Variants in MACROD2 observed in about 807,000 individuals in gnomAD.
MACROD2 encodes ADP-ribose glycohydrolase MACROD2.
Under a neutral mutation model 70.4 loss-of-function variants are expected in MACROD2, and 36 were observed. That is an observed-to-expected ratio of 0.51 (90% CI 0.39 to 0.68). MACROD2 has a LOEUF of 0.68. Ranked by LOEUF, MACROD2 falls within the 30% of genes least tolerant of loss-of-function variation. MACROD2 has a pLI of 0.00. For synonymous variants in MACROD2, 172 were observed against 178.8 expected (o/e 0.96, Z 0.30); for missense variants, 496 against 538.4 (o/e 0.92, Z 0.78).
chr20:15,405,142 AG>A (rs2045982408), intron 6 of MACROD2, among the ~76,000 whole-genome samples: 1 of 151,874 alleles, frequency 6.6e-6, no homozygotes. Context: ...GGGGGTAATG[AG>A]GAGCGACTGC....
At chr20:16,044,794 G>A (rs2067357941) in intron 17 of MACROD2, among the ~76,000 whole-genome samples, 155 bp downstream of exon 17, 1 of 152,016 alleles carries the variant, frequency 6.6e-6, no homozygotes, top group South Asian at 2.1e-4. Flanking sequence ...ACAGCGTAAG[G>A]GGAAACGATC....
intron 2 of MACROD2, among the ~76,000 whole-genome samples, chr20:14,050,868 A>G (rs556640633): frequency 7.2e-5 from 11 of 152,330 alleles, no homozygotes; most frequent in Admixed American, 2.0e-4. Flanking sequence ...TAAAGATAAA[A>G]AGATGGAGAT....
rs189763148 is a variant in MACROD2, at chr20:14,776,912, C to G, written c.418+91953C>G. Among the ~76,000 whole-genome samples the G allele has an allele frequency of 4.3e-3, 652 of 152,152 alleles. 9 individuals are homozygous for G. The highest frequency in any genetic ancestry group is 6.8e-3 in the Non-Finnish European group (464 of 68,006). ...ATTTAAATAAATAGAGCCATATACT[C>G]TGTATATGTTTACACCTCACTTCTT... On this transcript the variant is annotated intron_variant, in intron 5 of 17. Transcript: ENST00000684519.
intron 3 of MACROD2, among the ~76,000 whole-genome samples, chr20:14,443,512 G>A (rs2084149746): frequency 6.6e-6 from 1 of 151,946 alleles, no homozygotes; most frequent in South Asian, 2.1e-4. Flanking sequence ...GGTCAGGCTG[G>A]TCTTGAACTC....
At chr20:14,434,306 G>A (rs899642458) in intron 3 of MACROD2, among the ~76,000 whole-genome samples, 1 of 152,210 alleles carries the variant, frequency 6.6e-6, no homozygotes, top group African/African-American at 2.4e-5. Flanking sequence ...AAATTATTTT[G>A]AATCTTTTTT....
chr20:15,121,329 C>A (rs544306731), intron 5 of MACROD2, among the ~76,000 whole-genome samples: 1 of 151,796 alleles, frequency 6.6e-6, no homozygotes, highest in Non-Finnish European at 1.5e-5. Flanking sequence ...CTGGCCAACA[C>A]GGTGAAACCC....
Position 14,527,631 on chromosome 20 carries a change from T to C in MACROD2, c.301+34123T>C, listed in dbSNP as rs143359900. Among the ~76,000 whole-genome samples the C allele has an allele frequency of 7.2e-3, 1,092 of 152,364 alleles. 5 individuals are homozygous for C. Among genetic ancestry groups the C allele is most frequent in the African/African-American group, 0.024 (1,019 of 41,592 alleles). On this transcript the variant is annotated intron_variant, in intron 4 of 17. Transcript: ENST00000684519. ...TATGGAATGAATACTCTGGGGACAATGTCTCACGCTGTGCATTATGGAATC... is the reference window on the plus strand; with the variant it reads ...TATGGAATGAATACTCTGGGGACAACGTCTCACGCTGTGCATTATGGAATC...
At chr20:15,499,136 A>T (rs747983486) in intron 7 of MACROD2, among the ~76,000 whole-genome samples, 31 of 152,236 alleles carry the variant, frequency 2.0e-4, no homozygotes, top group Non-Finnish European at 3.5e-4. Flanking sequence ...GACTCTGAGC[A>T]TGTACGCTTC....
chr20:14,277,725 G>A (rs1299125144), intron 3 of MACROD2, among the ~76,000 whole-genome samples: 1 of 151,960 alleles, frequency 6.6e-6, no homozygotes, highest in African/African-American at 2.4e-5. Context: ...GAGAGAGAGA[G>A]AGAGAAAAGA....
rs549107010 is a variant in MACROD2, at chr20:15,323,096, C to G, written c.540+93035C>G. The stretch of plus-strand genomic sequence containing the variant: ...ATGTTGATGTTGACATTCTGCCATT[C>G]TGCAGTGATATATTGCTTAATTTGC... On this transcript the variant is annotated intron_variant, in intron 6 of 17. Coordinates refer to ENST00000684519, the MANE Select transcript of MACROD2 (RefSeq NM_001351661.2). 9.6e-5 allele frequency among the ~76,000 whole-genome samples: 10 copies of G among 103,906 alleles called. No individual in the cohort carries two copies. The South Asian group carries it at 3.2e-3, about 33-fold the overall frequency. 68.2% of individuals were successfully genotyped at this position (103,906 alleles called of 152,430 possible). A position where few individuals can be genotyped will look rare whatever the true frequency, so the allele number is the denominator to read the frequency against.
chr20:15,098,337 C>G (rs1429757516), intron 5 of MACROD2, among the ~76,000 whole-genome samples: 1 of 152,190 alleles, frequency 6.6e-6, no homozygotes, highest in Non-Finnish European at 1.5e-5. Context: ...TCCAACCTTT[C>G]TCACCTGAAT....
chr20:15,462,585 A>C (rs1269426069), intron 7 of MACROD2, among the ~76,000 whole-genome samples: 1 of 152,238 alleles, frequency 6.6e-6, no homozygotes, highest in Non-Finnish European at 1.5e-5. Flanking sequence ...AAAGAGGCAA[A>C]TAGATATTAC....
At chr20:14,352,393 G>A (rs2083131545) in intron 3 of MACROD2, 1 of 152,036 alleles carries the variant, frequency 6.6e-6, no homozygotes, top group Non-Finnish European at 1.5e-5. Context: ...GCACAAGGAT[G>A]ACAAGCAAAT....
intron 8 of MACROD2, among the ~76,000 whole-genome samples, chr20:15,582,451 G>GA (rs898541038): frequency 5.9e-5 from 9 of 151,972 alleles, no homozygotes; most frequent in Non-Finnish European, 7.4e-5. Context: ...CTCACAACTA[G>GA]AAAAAAACAT....
intron 10 of MACROD2, among the ~76,000 whole-genome samples, chr20:15,899,230 ATGTATATGTG>A (rs918663178): frequency 6.6e-6 from 1 of 152,058 alleles, no homozygotes; most frequent in African/African-American, 2.4e-5. Context: ...ATATGTATAT[ATGTATATGTG>A]TGTATATGTA....
intron 3 of MACROD2, among the ~76,000 whole-genome samples, chr20:14,362,558 GC>G (rs2083232187): frequency 6.6e-6 from 1 of 152,224 alleles, no homozygotes; most frequent in South Asian, 2.1e-4. Context: ...AAATTTCACA[GC>G]CCCAAGTTAA....
intron 6 of MACROD2, among the ~76,000 whole-genome samples, chr20:15,325,623 G>A (rs1568723105): frequency 6.6e-6 from 1 of 152,070 alleles, no homozygotes; most frequent in East Asian, 1.9e-4. Context: ...GGAGAGAGGA[G>A]GTGTTTGTTC....
At chr20:15,555,170 C>T (rs2048149840) in intron 8 of MACROD2, among the ~76,000 whole-genome samples, 1 of 152,016 alleles carries the variant, frequency 6.6e-6, no homozygotes, top group Non-Finnish European at 1.5e-5. Flanking sequence ...TGAGAGGCGG[C>T]CAGGGGTGGA....
chr20:14,677,464 T>A (rs2070875728), intron 4 of MACROD2, among the ~76,000 whole-genome samples: 1 of 152,208 alleles, frequency 6.6e-6, no homozygotes, highest in Non-Finnish European at 1.5e-5. Flanking sequence ...GAATTTAGCC[T>A]TTGCTAGATA....
Sources: gnomAD v4.1 joint callset for allele counts (sites outside exome capture counted in the v4.1 genomes callset) on GRCh38, gnomAD v4.1.1 for gene constraint, MANE v1.5 for transcripts, NCBI Gene and HGNC (gene_info 2026-07-23, HGNC 2026-07-21) for gene names.